The following GRK5 variants were observed in gnomAD, a reference collection of about 807,000 sequenced individuals.
GRK5 encodes the protein g protein-coupled receptor kinase GRK5.
GRK5 carries 40 observed loss-of-function variants against 78.4 expected under a neutral mutation model. That is an observed-to-expected ratio of 0.51 (90% CI 0.40 to 0.66). GRK5 has a LOEUF of 0.66. GRK5 is among the 30% of genes least tolerant of loss of function. GRK5 has a pLI of 0.00. For synonymous variants in GRK5, 289 were observed against 296.8 expected (o/e 0.97, Z 0.27); for missense variants, 598 against 759.9 (o/e 0.79, Z 2.50).
chr10:119,296,446 G>C (rs985971253), intron 1 of GRK5, among the ~76,000 whole-genome samples: 62 of 152,230 alleles, frequency 4.1e-4, no homozygotes, highest in African/African-American at 1.5e-3. Flanking sequence ...GGAACCACTG[G>C]CTGGTGAACA....
intron 1 of GRK5, among the ~76,000 whole-genome samples, chr10:119,244,358 T>A (rs1849073050): frequency 6.6e-6 from 1 of 152,190 alleles, no homozygotes; most frequent in South Asian, 2.1e-4. Flanking sequence ...GCAAAATATA[T>A]AAGGAACTCC....
intron 1 of GRK5, among the ~76,000 whole-genome samples, chr10:119,279,216 C>G (rs910597714): frequency 3.9e-5 from 6 of 152,212 alleles, no homozygotes; most frequent in South Asian, 2.1e-4. Flanking sequence ...TCACACTGGG[C>G]TGGGGCCCAG....
intron 9 of GRK5, among the ~76,000 whole-genome samples, chr10:119,437,569 A>G (rs1320236127): frequency 6.6e-6 from 1 of 152,224 alleles, no homozygotes; most frequent in East Asian, 1.9e-4. Context: ...TGGAATCTCT[A>G]GTTGCTGTAG....
chr10:119,404,330 T>C (rs976969482), intron 4 of GRK5, among the ~76,000 whole-genome samples: 1 of 152,256 alleles, frequency 6.6e-6, no homozygotes, highest in African/African-American at 2.4e-5. Flanking sequence ...GAAATGTCTA[T>C]TCAGATTCTT....
intron 1 of GRK5, among the ~76,000 whole-genome samples, chr10:119,243,497 T>C (rs1428446133): frequency 1.3e-5 from 2 of 152,172 alleles, no homozygotes; most frequent in Non-Finnish European, 2.9e-5. Context: ...AGAGAATTTA[T>C]GGATTCATAT....
intron 3 of GRK5, among the ~76,000 whole-genome samples, chr10:119,382,253 C>CTCTGCCTTGGGCTTT (rs1851724124): frequency 1.1e-5 from 1 of 89,742 alleles, no homozygotes; most frequent in Non-Finnish European, 2.9e-5. Context: ...CCTTGGGCTT[C>CTCTGCCTTGGGCTTT]GGGCAGGCTC....
At chr10:119,331,313 C>T (rs184634298) in intron 2 of GRK5, among the ~76,000 whole-genome samples, 169 of 152,322 alleles carry the variant, frequency 1.1e-3, no homozygotes, top group African/African-American at 3.7e-3. Context: ...GAGAGAGGCC[C>T]GGGAAGGGCA....
At position 119,371,667 on chromosome 10, in the gene GRK5, G is replaced by T. The variant is rs911883946; in HGVS notation, c.149-9148G>T. ...CCCGGAGCTCAGGGCCGAAGGGCTC[G>T]GTGACAGTGGGGAACTCCTGCCTGC... On this transcript the variant is annotated intron_variant, in intron 2 of 15. Coordinates refer to ENST00000392870, the MANE Select transcript of GRK5 (RefSeq NM_005308.3). Among the ~76,000 whole-genome samples the T allele has an allele frequency of 4.6e-5, 7 of 152,326 alleles. No homozygotes were observed. In the East Asian group the frequency reaches 1.4e-3, roughly 29 times the overall value.
intron 2 of GRK5, among the ~76,000 whole-genome samples, chr10:119,332,530 A>G (rs947685186): frequency 6.6e-6 from 1 of 152,186 alleles, no homozygotes; most frequent in South Asian, 2.1e-4. Flanking sequence ...ACATCATTGT[A>G]GGTTGTTGTC....
intron 1 of GRK5, among the ~76,000 whole-genome samples, chr10:119,239,986 C>T (rs558823817): frequency 3.8e-4 from 58 of 152,180 alleles, no homozygotes; most frequent in Non-Finnish European, 7.3e-4. Flanking sequence ...CATACGTGTG[C>T]GTGTGTCTTT....
At position 119,452,909 on chromosome 10, in the gene GRK5, G is replaced by T. The variant is rs77390759; in HGVS notation, c.1542+101G>T. 12 of 1,369,098 alleles carry T rather than the reference G, an allele frequency of 8.8e-6. No homozygotes were observed. Among genetic ancestry groups the T allele is most frequent in the African/African-American group, 1.4e-5 (1 of 70,080 alleles). The allele number at this position is 1,369,098 out of a possible 1,614,324, so 84.8% of individuals were successfully genotyped here. On this transcript the variant is annotated intron_variant, in intron 14 of 15. Transcript: ENST00000392870. The surrounding 1 kb of genome is among the most constrained non-coding windows in gnomAD (Gnocchi z 4.4). ...TGAGTTTGGCGGCAGGAGGCTGAGC[G>T]CATGGTTTCTGTTTTCTCCATGAAG... is the stretch of plus-strand genomic sequence containing the variant.
intron 4 of GRK5, among the ~76,000 whole-genome samples, chr10:119,411,842 C>CTTCTTTTTTTTTTT (rs1852343285): frequency 1.0e-5 from 1 of 95,978 alleles, no homozygotes; most frequent in African/African-American, 3.6e-5. Flanking sequence ...AGATCTGCTT[C>CTTCTTTTTTTTTTT]TTTTTTTTTT....
intron 4 of GRK5, among the ~76,000 whole-genome samples, chr10:119,420,220 C>G (rs1419796053): frequency 6.6e-6 from 1 of 152,150 alleles, no homozygotes; most frequent in Non-Finnish European, 1.5e-5. Flanking sequence ...AGCCCAGGAC[C>G]TAACTAGAGT....
intron 2 of GRK5, among the ~76,000 whole-genome samples, chr10:119,343,973 G>A (rs1259319102): frequency 6.6e-6 from 1 of 152,102 alleles, no homozygotes; most frequent in African/African-American, 2.4e-5. Context: ...CTCCACTTCT[G>A]ATGACGGTAG....
chr10:119,380,760 G>T, intron 2 of GRK5, 55 bp from the exon 3 acceptor site: 1 of 1,088,028 alleles, frequency 9.2e-7, no homozygotes. Flanking sequence ...ATGACAGGAA[G>T]GCCCTGCCTG....
At position 119,438,848 on chromosome 10, in the gene GRK5, T is replaced by C. The variant is rs566131161; in HGVS notation, c.930-883T>C. ...AAATAACAGCAACAAAAGTATTTTA[T>C]GATAAATAAGGATACACAAACACCA... On this transcript the variant is annotated intron_variant, in intron 9 of 15. Coordinates refer to ENST00000392870, the MANE Select transcript of GRK5 (RefSeq NM_005308.3). 6.6e-5 allele frequency among the ~76,000 whole-genome samples: 10 copies of C among 152,370 alleles called. No homozygotes were observed. The Middle Eastern group carries it at 0.01, about 155-fold the overall frequency.
chr10:119,217,217 G>A lies in GRK5; in HGVS notation c.52+9248G>A, dbSNP rs1848589000. ...GATTCCCTGGGAAAAGGGGCAAATTGGGAATATAATTTCTGTCTCAGACCG... is the reference window on the plus strand; with the variant it reads ...GATTCCCTGGGAAAAGGGGCAAATTAGGAATATAATTTCTGTCTCAGACCG... On this transcript the variant is annotated intron_variant, in intron 1 of 15. Coordinates refer to ENST00000392870, the MANE Select transcript of GRK5 (RefSeq NM_005308.3). This position sits in a 1 kb window ranked among gnomAD's most constrained non-coding sequence, Gnocchi z 4.1. Among the ~76,000 whole-genome samples, 1 of 152,062 alleles carries A rather than the reference G, an allele frequency of 6.6e-6. No individual in the cohort carries two copies. The highest frequency in any genetic ancestry group is 2.4e-5 in the African/African-American group (1 of 41,394).
intron 4 of GRK5, among the ~76,000 whole-genome samples, chr10:119,401,500 G>A (rs1471517708): frequency 6.6e-6 from 1 of 152,202 alleles, no homozygotes; most frequent in African/African-American, 2.4e-5. Context: ...TTAGAGTCAG[G>A]TAGACCTGGG....
At chr10:119,333,653 G>A (rs1850822941) in intron 2 of GRK5, 3 of 431,188 alleles carry the variant, frequency 7.0e-6, no homozygotes, top group Non-Finnish European at 1.4e-5. Flanking sequence ...AGACTACTTA[G>A]GTGCTCAAAG....
Sources: gnomAD v4.1 joint callset for allele counts (sites outside exome capture counted in the v4.1 genomes callset) on GRCh38, gnomAD v4.1.1 for gene constraint, Gnocchi (gnomAD v3.1) non-coding constraint, MANE v1.5 for transcripts, NCBI Gene and HGNC (gene_info 2026-07-23, HGNC 2026-07-21) for gene names.